The following DENND1A variants were observed in gnomAD, a reference collection of about 807,000 sequenced individuals.
DENND1A encodes DENN domain-containing protein 1A.
A neutral mutation model predicts 113.7 loss-of-function variants in DENND1A; 51 were observed. The observed-to-expected ratio is 0.45, with a 90% CI of 0.36 to 0.57. The LOEUF is 0.57. Ranked by LOEUF, DENND1A falls within the 20% of genes least tolerant of loss-of-function variation. The probability of loss-of-function intolerance (pLI) is 0.00; values close to 1 mark genes in which losing one functional copy is unlikely to be tolerated. For synonymous variants in DENND1A, 565 were observed against 570.8 expected (o/e 0.99, Z 0.14); for missense variants, 1,258 against 1,395.9 (o/e 0.90, Z 1.57).
intron 21 of DENND1A, among the ~76,000 whole-genome samples, chr9:123,398,563 G>C (rs914167430): frequency 1.3e-5 from 2 of 151,842 alleles, no homozygotes; most frequent in African/African-American, 4.8e-5. Context: ...TTTTTTAGTA[G>C]AGACGGGGTT....
chr9:123,646,483 AAAT>A (rs2062336997), intron 9 of DENND1A, among the ~76,000 whole-genome samples: 1 of 152,092 alleles, frequency 6.6e-6, no homozygotes, highest in African/African-American at 2.4e-5. Context: ...AGAGAAGAGA[AAAT>A]AATAATAGAT....
intron 2 of DENND1A, among the ~76,000 whole-genome samples, chr9:123,840,948 G>A (rs565599224): frequency 5.3e-5 from 8 of 152,234 alleles, no homozygotes; most frequent in Non-Finnish European, 1.0e-4. Flanking sequence ...ATGTTAAGTG[G>A]CATTCTGCTG....
At chr9:123,472,339 C>A (rs2049496292) in intron 13 of DENND1A, among the ~76,000 whole-genome samples, 1 of 152,120 alleles carries the variant, frequency 6.6e-6, no homozygotes, top group African/African-American at 2.4e-5. Flanking sequence ...AGGTGGAGGG[C>A]CTGGTGGGGC....
At chr9:123,595,474 T>A (rs1433209996) in intron 11 of DENND1A, among the ~76,000 whole-genome samples, 1 of 152,086 alleles carries the variant, frequency 6.6e-6, no homozygotes, top group Non-Finnish European at 1.5e-5. Flanking sequence ...GCTCCCCGCC[T>A]CTCCTTGTGG....
chr9:123,638,356 T>A (rs918452690), intron 9 of DENND1A, among the ~76,000 whole-genome samples: 3 of 152,154 alleles, frequency 2.0e-5, no homozygotes, highest in Non-Finnish European at 2.9e-5. Context: ...CTGATAACAA[T>A]GTATTCAATA....
At chr9:123,403,329 C>CTTGGGCTT (rs1338589527) in intron 21 of DENND1A, 73 bp downstream of exon 21, 2 of 1,527,464 alleles carry the variant, frequency 1.3e-6, no homozygotes, top group African/African-American at 2.7e-5. Context: ...GGGCTACACG[C>CTTGGGCTT]TTGGGCTTCG....
chr9:123,881,653 G>A (rs1848329434), intron 1 of DENND1A, among the ~76,000 whole-genome samples: 1 of 152,100 alleles, frequency 6.6e-6, no homozygotes, highest in Non-Finnish European at 1.5e-5. Flanking sequence ...GCATGCAAAG[G>A]TGTTATATCC....
In DENND1A at chr9:123,382,131, C is replaced by T. The variant is rs370162408; in HGVS notation, c.2514G>A (p.Thr838=). 32 of 1,589,924 alleles carry T rather than the reference C, an allele frequency of 2.0e-5. No individual in the cohort carries two copies. The highest frequency in any genetic ancestry group is 1.1e-4 in the African/African-American group (8 of 74,340). ...GGAGGGCGAGCAGGGCGTCACTGCT[C>T]GTGCCTGCAGCCCCGGGGCCAGGGC... is the stretch of plus-strand genomic sequence containing the variant. ...PLSPGPGAAG[T]SSDALLALLD... Residue 838 remains threonine (T), a synonymous_variant, in exon 24 of 24, where the codon ACG becomes ACA. Coordinates refer to ENST00000394215, the MANE Select transcript of DENND1A (RefSeq NM_001352964.2).
chr9:123,398,373 T>A (rs10217424), intron 21 of DENND1A, among the ~76,000 whole-genome samples: 14,383 of 152,118 alleles, frequency 0.095, 727 homozygotes, highest in Middle Eastern at 0.17. Context: ...GGCTTTTTTT[T>A]TTCTTTTTCT....
In DENND1A at chr9:123,606,004, G is replaced by A. The variant is rs143659031; in HGVS notation, c.765+3432C>T. ...GCCAGTAAGAAAACTAGTGTAGCGA[G>A]AGGAGATGGGCCTTCCTGAGCACCT... On this transcript the variant is annotated intron_variant, in intron 11 of 23. Transcript: ENST00000394215. 3.3e-5 allele frequency among the ~76,000 whole-genome samples: 5 copies of A among 152,298 alleles called. No homozygotes were observed. In the East Asian group the frequency reaches 9.7e-4, roughly 29 times the overall value.
At chr9:123,744,237 A>T (rs561181271) in intron 5 of DENND1A, among the ~76,000 whole-genome samples, 1 of 152,316 alleles carries the variant, frequency 6.6e-6, no homozygotes, top group East Asian at 1.9e-4. Flanking sequence ...TTTTCTACAT[A>T]CTTTTTACAA....
chr9:123,611,085 TTGCTAACTA>T (rs1404248223), intron 10 of DENND1A, among the ~76,000 whole-genome samples: 3 of 152,214 alleles, frequency 2.0e-5, no homozygotes, highest in Non-Finnish European at 4.4e-5. Context: ...GCAGCTCAGT[TTGCTAACTA>T]TTCTAGAAGA....
chr9:123,691,699 C>G (rs2065202004), intron 5 of DENND1A, among the ~76,000 whole-genome samples: 1 of 151,726 alleles, frequency 6.6e-6, no homozygotes, highest in African/African-American at 2.4e-5. Context: ...GGGTTTCAAG[C>G]AGTGGACAGA....
chr9:123,557,158 G>A (rs768239106), intron 13 of DENND1A, among the ~76,000 whole-genome samples: 2 of 152,208 alleles, frequency 1.3e-5, no homozygotes, highest in African/African-American at 4.8e-5. Flanking sequence ...GGGGCTCCGG[G>A]GCCATCTGGC....
At chr9:123,415,403 G>C (rs886072082) in intron 19 of DENND1A, among the ~76,000 whole-genome samples, 1 of 152,180 alleles carries the variant, frequency 6.6e-6, no homozygotes, top group Admixed American at 6.5e-5. Context: ...GAACTCCCAG[G>C]GGGTGCGCAT....
intron 11 of DENND1A, among the ~76,000 whole-genome samples, chr9:123,606,709 C>T (rs751776237): frequency 6.6e-6 from 1 of 152,230 alleles, no homozygotes; most frequent in Non-Finnish European, 1.5e-5. Flanking sequence ...CTCAACGCTT[C>T]TTTTCACAAA....
intron 11 of DENND1A, among the ~76,000 whole-genome samples, chr9:123,604,250 T>C (rs10986070): frequency 0.44 from 66,260 of 151,634 alleles, 15,222 homozygotes; most frequent in African/African-American, 0.58. Flanking sequence ...CCCTGGTTTA[T>C]CTAATTCTTC....
chr9:123,810,790 C>CTCTTG (rs1401065754), intron 2 of DENND1A, among the ~76,000 whole-genome samples: 1 of 147,576 alleles, frequency 6.8e-6, no homozygotes, highest in Non-Finnish European at 1.5e-5. Flanking sequence ...TGAAGTCTCG[C>CTCTTG]TCTTGTCACC....
chr9:123,610,017 G>A (rs908505551), intron 10 of DENND1A, among the ~76,000 whole-genome samples: 2 of 152,128 alleles, frequency 1.3e-5, no homozygotes, highest in Non-Finnish European at 2.9e-5. Context: ...AAAGTACTTG[G>A]AGAGCTGCCA....
Sources: gnomAD v4.1 joint callset for allele counts (sites outside exome capture counted in the v4.1 genomes callset) on GRCh38, gnomAD v4.1.1 for gene constraint, MANE v1.5 for transcripts, NCBI Gene and HGNC (gene_info 2026-07-23, HGNC 2026-07-21) for gene names.